Variants in TEX11 observed in about 807,000 individuals in gnomAD.
TEX11 encodes the protein testis-expressed protein 11.
A neutral mutation model predicts 84.4 loss-of-function variants in TEX11; 7 were observed. That is an observed-to-expected ratio of 0.08 (90% CI 0.05 to 0.16). TEX11 has a LOEUF of 0.16. TEX11 is among the 10% of genes least tolerant of loss of function. The pLI is 1.00. For missense variants in TEX11, 551 were observed against 660.5 expected, an observed-to-expected ratio of 0.83 and a Z score of 1.82; for synonymous variants, 264 against 222.8, an observed-to-expected ratio of 1.18 and a Z score of -1.64.
At chrX:70,838,464 A>G (rs927538488) in intron 7 of TEX11, among the ~76,000 whole-genome samples, 1 of 112,262 alleles carries the variant, frequency 8.9e-6, no homozygotes, top group Non-Finnish European at 1.9e-5. Flanking sequence ...GTTTAATACC[A>G]CCACCAATTT....
chrX:70,721,747 C>T (rs1469954385), intron 13 of TEX11, among the ~76,000 whole-genome samples: 6 of 111,836 alleles, frequency 5.4e-5, no homozygotes, highest in Admixed American at 9.6e-5. Flanking sequence ...TTTTGCACCA[C>T]GACGGCAGAG....
chrX:70,852,787 A>T (rs1026082828), intron 7 of TEX11, among the ~76,000 whole-genome samples: 2 of 111,497 alleles, frequency 1.8e-5, no homozygotes, highest in Non-Finnish European at 3.8e-5. Flanking sequence ...TAAATGACAG[A>T]TGTTACATGC....
intron 17 of TEX11, among the ~76,000 whole-genome samples, chrX:70,636,491 A>T (rs779847405): frequency 6.3e-4 from 70 of 111,292 alleles, no homozygotes; most frequent in African/African-American, 2.2e-3. Context: ...GCACCCACTG[A>T]CCTAGGACTG....
At chrX:70,733,975 T>TA (rs1603240975) in intron 11 of TEX11, among the ~76,000 whole-genome samples, 1 of 111,485 alleles carries the variant, frequency 9.0e-6, no homozygotes, top group East Asian at 2.8e-4. Flanking sequence ...TATGCAGCCA[T>TA]AAAAAATGAT....
At chrX:70,641,465 G>A (rs772724017) in intron 17 of TEX11, among the ~76,000 whole-genome samples, 12 of 110,788 alleles carry the variant, frequency 1.1e-4, no homozygotes, top group South Asian at 7.9e-4. Flanking sequence ...CAGAATATAC[G>A]TTTTTTTCAG....
At chrX:70,838,491 G>A (rs752616439) in intron 7 of TEX11, among the ~76,000 whole-genome samples, 45 of 112,301 alleles carry the variant, frequency 4.0e-4, no homozygotes, top group African/African-American at 1.5e-3. Flanking sequence ...AAAAGACTAA[G>A]TATTAGAGGG....
chrX:70,596,675 TA>T (rs1304785538), intron 24 of TEX11, among the ~76,000 whole-genome samples: 17 of 109,936 alleles, frequency 1.5e-4, no homozygotes, highest in African/African-American at 5.3e-4. Context: ...AAGTTGATAT[TA>T]AAAAAAAGAA....
At chrX:70,657,483 G>T (rs1211951982) in intron 16 of TEX11, among the ~76,000 whole-genome samples, 3 of 106,880 alleles carry the variant, frequency 2.8e-5, no homozygotes, top group African/African-American at 1.0e-4. Flanking sequence ...AGCAGCATCA[G>T]CAGCAGCAAA....
At chrX:70,593,056 A>AACACACAC (rs56116828) in intron 24 of TEX11, among the ~76,000 whole-genome samples, 10 of 95,987 alleles carry the variant, frequency 1.0e-4, no homozygotes, top group African/African-American at 1.5e-4. Flanking sequence ...AGAGCATTTT[A>AACACACAC]ACACACACAC....
chrX:70,735,453 A>G (rs1473608466), intron 11 of TEX11, among the ~76,000 whole-genome samples: 1 of 111,944 alleles, frequency 8.9e-6, no homozygotes, highest in Admixed American at 9.6e-5. Context: ...TAATATCAGT[A>G]TTTTTTCAAT....
At chrX:70,808,934 C>T (rs989135302) in intron 8 of TEX11, among the ~76,000 whole-genome samples, 4 of 111,588 alleles carry the variant, frequency 3.6e-5, no homozygotes, top group African/African-American at 9.8e-5. Context: ...TTTCATGCAA[C>T]CTTTCTCAAG....
intron 14 of TEX11, among the ~76,000 whole-genome samples, chrX:70,679,521 T>C (rs1176544656): frequency 9.7e-5 from 10 of 102,826 alleles, no homozygotes; most frequent in South Asian, 4.5e-4. Context: ...CGCCATCCCA[T>C]CTGGGAAGTG....
At chrX:70,766,998 C>T (rs2090944681) in intron 9 of TEX11, among the ~76,000 whole-genome samples, 1 of 112,007 alleles carries the variant, frequency 8.9e-6, no homozygotes, top group South Asian at 3.7e-4. Context: ...TCTAACTCCT[C>T]AAACTATGAA....
At chrX:70,524,668 C>T (rs1033500447), downstream of TEX11, among the ~76,000 whole-genome samples, 3 of 112,570 alleles carry the variant, frequency 2.7e-5, no homozygotes, top group South Asian at 3.7e-4. Context: ...CAGGTTCAAG[C>T]GATTCTCCTG....
intron 16 of TEX11, among the ~76,000 whole-genome samples, chrX:70,666,854 A>G (rs2089980038): frequency 9.0e-6 from 1 of 111,323 alleles, no homozygotes; most frequent in Non-Finnish European, 1.9e-5. Context: ...TCAGGTCTCT[A>G]CTTAAAAACA....
At chrX:70,591,621 A>G in intron 25 of TEX11, 130 bp downstream of exon 25, 1 of 471,873 alleles carries the variant, frequency 2.1e-6, no homozygotes, top group Non-Finnish European at 3.5e-6. Context: ...AAACAAAACA[A>G]CAGAAAAAAA....
intron 11 of TEX11, among the ~76,000 whole-genome samples, chrX:70,730,236 T>G (rs1244079690): frequency 3.6e-5 from 4 of 110,405 alleles, no homozygotes; most frequent in Non-Finnish European, 7.6e-5. Flanking sequence ...AAGGCTGAAC[T>G]GCATCAACTA....
At chrX:70,782,412 A>C (rs1323668610) in intron 9 of TEX11, among the ~76,000 whole-genome samples, 1 of 110,723 alleles carries the variant, frequency 9.0e-6, no homozygotes, top group Non-Finnish European at 1.9e-5. Context: ...TGCATCAATT[A>C]ACGGGCAAAC....
In TEX11 at chrX:70,540,493, A is replaced by T. The variant is rs58597976; in HGVS notation, c.2521-10494T>A. On this transcript the variant is annotated intron_variant, in intron 28 of 29. Transcript: ENST00000374333. ...TTTTTTTTCAATTGTTTATTAAATA[A>T]TTTTTTTTATTATGGAGATAATTAA... Among the ~76,000 whole-genome samples the T allele has an allele frequency of 3.7e-4, 41 of 111,272 alleles. No homozygotes were observed. The East Asian group carries it at 0.012, about 31-fold the overall frequency.
Sources: allele counts gnomAD v4.1 joint callset (sites outside exome capture counted in the v4.1 genomes callset), GRCh38; gene constraint gnomAD v4.1.1; transcripts MANE v1.5; gene names NCBI Gene and HGNC (gene_info 2026-07-23, HGNC 2026-07-21).